SLC35F4: variants seen among roughly 807,000 people sequenced by gnomAD.
SLC35F4 encodes solute carrier family 35 member F4, also known as chromosome 14 open reading frame 36.
In SLC35F4, 24 loss-of-function variants were observed where a neutral mutation model predicts 44.2. That is an observed-to-expected ratio of 0.54 (90% CI 0.39 to 0.76). SLC35F4 has a LOEUF of 0.76. SLC35F4 is among the 30% of genes least tolerant of loss of function. SLC35F4 has a pLI of 0.00. For missense variants in SLC35F4, 562 were observed against 586.1 expected, an observed-to-expected ratio of 0.96 and a Z score of 0.42; for synonymous variants, 238 against 223.6, an observed-to-expected ratio of 1.06 and a Z score of -0.57.
chr14:57,670,213 TTC>T (rs1442012194), intron 1 of SLC35F4, among the ~76,000 whole-genome samples: 10 of 152,154 alleles, frequency 6.6e-5, no homozygotes, highest in African/African-American at 2.4e-4. Context: ...TATTTGATTC[TTC>T]TCTCTTTTCT....
chr14:57,807,385 C>T (rs1344126703), intron 1 of SLC35F4, among the ~76,000 whole-genome samples: 1 of 151,964 alleles, frequency 6.6e-6, no homozygotes, highest in Non-Finnish European at 1.5e-5. Context: ...ACAGAGCCAA[C>T]AGAGCCAAAG....
intron 1 of SLC35F4, among the ~76,000 whole-genome samples, chr14:57,660,330 A>G (rs2074098038): frequency 6.6e-6 from 1 of 152,114 alleles, no homozygotes; most frequent in Non-Finnish European, 1.5e-5. Context: ...CAACAGTATC[A>G]CAATTAGCAA....
upstream of SLC35F4, among the ~76,000 whole-genome samples, chr14:57,869,189 G>A (rs543100987): frequency 6.7e-5 from 10 of 149,686 alleles, no homozygotes; most frequent in Middle Eastern, 3.5e-3. Context: ...AGGTATTCAC[G>A]TGTTGTGGTT....
Position 57,645,261 on chromosome 14 carries a change from T to A in SLC35F4, c.104-51137A>T, listed in dbSNP as rs112618390. On this transcript the variant is annotated intron_variant, in intron 1 of 7. Transcript: ENST00000556826. The stretch of plus-strand genomic sequence containing the variant: ...ATTCTTCCTACCCATGAGCATGGAA[T>A]GTTCTTCCTTTTGTTTGTATCCTCT... Among the ~76,000 whole-genome samples the A allele has an allele frequency of 1.9e-3, 289 of 152,352 alleles. 2 individuals carry two copies. Among genetic ancestry groups the A allele is most frequent in the African/African-American group, 6.5e-3 (269 of 41,576 alleles).
intron 1 of SLC35F4, among the ~76,000 whole-genome samples, chr14:57,817,206 T>A (rs1338430611): frequency 2.0e-5 from 3 of 152,168 alleles, no homozygotes; most frequent in African/African-American, 7.2e-5. Context: ...TGGCTGGCCT[T>A]AGTAAACTGC....
intron 1 of SLC35F4, among the ~76,000 whole-genome samples, chr14:57,605,537 A>G (rs1268884352): frequency 1.3e-5 from 2 of 152,190 alleles, no homozygotes; most frequent in Non-Finnish European, 2.9e-5. Flanking sequence ...CACTGTAGAG[A>G]GCAACTTGGA....
chr14:57,617,697 A>C (rs2071928510), intron 1 of SLC35F4, among the ~76,000 whole-genome samples: 1 of 152,184 alleles, frequency 6.6e-6, no homozygotes, highest in South Asian at 2.1e-4. Context: ...TAGGAGGGGT[A>C]GAGTGGGTCT....
At chr14:57,596,444 A>G in intron 1 of SLC35F4, 1 of 296,394 alleles carries the variant, frequency 3.4e-6, no homozygotes, top group Non-Finnish European at 6.5e-6. Flanking sequence ...TGAACTCACA[A>G]TTATTCCTGT....
intron 4 of SLC35F4, among the ~76,000 whole-genome samples, chr14:57,573,058 A>C (rs537284996): frequency 1.5e-5 from 2 of 136,194 alleles, no homozygotes; most frequent in Non-Finnish European, 3.3e-5. Flanking sequence ...GAGTATTCCC[A>C]GTAAAGAAAT....
At chr14:57,665,477 G>A (rs181505899) in intron 1 of SLC35F4, among the ~76,000 whole-genome samples, 1 of 152,296 alleles carries the variant, frequency 6.6e-6, no homozygotes, top group Non-Finnish European at 1.5e-5. Flanking sequence ...GTTCAGGGAT[G>A]ATAAATAACT....
intron 1 of SLC35F4, among the ~76,000 whole-genome samples, chr14:57,704,000 C>A (rs1213701566): frequency 6.6e-6 from 1 of 152,204 alleles, no homozygotes; most frequent in Non-Finnish European, 1.5e-5. Flanking sequence ...TTTTCCACTA[C>A]TGCCATCCCA....
chr14:57,594,200 A>G, intron 1 of SLC35F4, 76 bp from the exon 2 acceptor site: 1 of 1,375,094 alleles, frequency 7.3e-7, no homozygotes, highest in Non-Finnish European at 9.8e-7. Flanking sequence ...TTATTTAATT[A>G]TTGTTTGGAA....
chr14:57,972,875 A>G (rs2141095712), downstream of SLC35F4, among the ~76,000 whole-genome samples: 1 of 152,288 alleles, frequency 6.6e-6, no homozygotes, highest in African/African-American at 2.4e-5. Context: ...AAAACCCTAT[A>G]CTTAGCCTTT....
intron 1 of SLC35F4, among the ~76,000 whole-genome samples, chr14:57,713,453 A>T (rs577700754): frequency 6.6e-6 from 1 of 152,250 alleles, no homozygotes; most frequent in South Asian, 2.1e-4. Context: ...TTTAAGTACC[A>T]GCCATGACCA....
At chr14:57,949,588 T>C (rs1797757694) in intron 1 of SLC35F4, among the ~76,000 whole-genome samples, 2 of 152,170 alleles carry the variant, frequency 1.3e-5, no homozygotes, top group South Asian at 4.1e-4. Context: ...CTAAATACCA[T>C]GTTTTTTTCA....
At position 57,723,905 on chromosome 14, in the gene SLC35F4, T is replaced by A. The variant is rs557968863; in HGVS notation, c.104-129781A>T. On this transcript the variant is annotated intron_variant, in intron 1 of 7. Transcript: ENST00000556826. ...GGTGAGACATTTGTGTGCCAGAGGA[T>A]GGGAAATAAAACCAACTAAAATTCA... 3.9e-4 allele frequency among the ~76,000 whole-genome samples: 60 copies of A among 152,166 alleles called. 1 individual carries two copies. The highest frequency in any genetic ancestry group is 7.3e-4 in the Non-Finnish European group (50 of 68,032).
chr14:57,793,697 T>G (rs535040202), intron 1 of SLC35F4, among the ~76,000 whole-genome samples: 184 of 152,280 alleles, frequency 1.2e-3, no homozygotes, highest in African/African-American at 4.1e-3. Context: ...TGTGTCCAGG[T>G]GTCTTTTTGA....
At chr14:57,584,557 A>G (rs189872646) in intron 3 of SLC35F4, among the ~76,000 whole-genome samples, 288 of 152,292 alleles carry the variant, frequency 1.9e-3, no homozygotes, top group Non-Finnish European at 2.7e-3. Flanking sequence ...ATTGGAGAAC[A>G]TTCCCTTCAG....
At chr14:57,691,368 A>G (rs2075226998) in intron 1 of SLC35F4, among the ~76,000 whole-genome samples, 1 of 152,224 alleles carries the variant, frequency 6.6e-6, no homozygotes, top group African/African-American at 2.4e-5. Flanking sequence ...AACCAAGGAC[A>G]GAAGTTCAAG....
Sources: gnomAD v4.1 joint callset for allele counts (sites outside exome capture counted in the v4.1 genomes callset) on GRCh38, gnomAD v4.1.1 for gene constraint, MANE v1.5 for transcripts, NCBI Gene and HGNC (gene_info 2026-07-23, HGNC 2026-07-21) for gene names.